The following SCMH1 variants were observed in gnomAD, a reference collection of about 807,000 sequenced individuals.
SCMH1 encodes Scm polycomb group protein homolog 1.
Under a neutral mutation model 70.8 loss-of-function variants are expected in SCMH1, and 37 were observed. The observed-to-expected ratio is 0.52, with a 90% confidence interval of 0.40 to 0.69. SCMH1 has a LOEUF of 0.69. SCMH1 is among the 30% of genes least tolerant of loss of function. The pLI is 0.00. For synonymous variants in SCMH1, 292 were observed against 307.4 expected, an observed-to-expected ratio of 0.95 and a Z score of 0.52; for missense variants, 607 against 827.3, an observed-to-expected ratio of 0.73 and a Z score of 3.27.
chr1:41,186,469 C>T (rs1398971966), intron 1 of SCMH1, among the ~76,000 whole-genome samples: 1 of 152,144 alleles, frequency 6.6e-6, no homozygotes, highest in Non-Finnish European at 1.5e-5. Context: ...ATAAAGAATA[C>T]AGATATTTGC....
chr1:41,057,077 C>T (rs989230969), intron 10 of SCMH1, among the ~76,000 whole-genome samples: 3 of 152,012 alleles, frequency 2.0e-5, no homozygotes, highest in Non-Finnish European at 4.4e-5. Flanking sequence ...AGAGAAATAC[C>T]GCACTCCAGG....
intron 14 of SCMH1, 28 bp downstream of exon 15, chr1:41,028,556 T>A (rs751280564): frequency 1.2e-6 from 2 of 1,613,778 alleles, no homozygotes; most frequent in South Asian, 2.2e-5. Flanking sequence ...CACAGGTTCC[T>A]ACTGAGAGGT....
At chr1:41,175,876 T>C (rs956862052) in intron 2 of SCMH1, among the ~76,000 whole-genome samples, 1 of 152,128 alleles carries the variant, frequency 6.6e-6, no homozygotes. Context: ...GGCTTTAAAA[T>C]TACTGACAAA....
At chr1:41,140,101 A>G (rs1156720604) in intron 6 of SCMH1, among the ~76,000 whole-genome samples, 1 of 152,104 alleles carries the variant, frequency 6.6e-6, no homozygotes, top group African/African-American at 2.4e-5. Flanking sequence ...TAGTGTTGGT[A>G]TTGTTATTCT....
chr1:41,120,450 G>A (rs1359168626), intron 6 of SCMH1, among the ~76,000 whole-genome samples: 1 of 152,136 alleles, frequency 6.6e-6, no homozygotes, highest in African/African-American at 2.4e-5. Context: ...GGTCATGCTA[G>A]TAAATGCCGG....
Position 41,160,915 on chromosome 1 carries a change from T to A in SCMH1, c.83-17A>T, listed in dbSNP as rs950992614. 2.6e-6 allele frequency: 4 copies of A among 1,549,612 alleles called. No individual in the cohort carries two copies. ...CAGCAGCTTCTAGTAAAGAAAAAAA[T>A]GTTGGAGCATAAGTCATTAAGACAA... On this transcript the variant is annotated splice_polypyrimidine_tract_variant and intron_variant, in intron 3 of 14. Transcript: ENST00000337495.
chr1:41,206,016 C>A (rs1655455104), intron 1 of SCMH1, among the ~76,000 whole-genome samples: 1 of 152,144 alleles, frequency 6.6e-6, no homozygotes, highest in Admixed American at 6.5e-5. Flanking sequence ...AAAGGACATC[C>A]ATACCAAAAT....
At chr1:41,200,939 T>C (rs973367258) in intron 1 of SCMH1, among the ~76,000 whole-genome samples, 5 of 152,140 alleles carry the variant, frequency 3.3e-5, no homozygotes, top group African/African-American at 1.2e-4. Flanking sequence ...ATTTTTTTTT[T>C]ATCAGTTCAC....
At chr1:41,027,958 C>T (rs1012719228) in exon 15 of SCMH1, 6 of 542,806 alleles carry the variant, frequency 1.1e-5, no homozygotes, top group Middle Eastern at 4.8e-4. Flanking sequence ...CTTAGAGCCC[C>T]GGCAGAGCTG....
intron 9 of SCMH1, among the ~76,000 whole-genome samples, chr1:41,074,926 G>A (rs530139626): frequency 6.6e-6 from 1 of 152,306 alleles, no homozygotes; most frequent in Admixed American, 6.5e-5. Flanking sequence ...GCAGTGGCAC[G>A]ATCTCCGCTC....
intron 5 of SCMH1, among the ~76,000 whole-genome samples, chr1:41,144,618 A>T (rs185149192): frequency 1.3e-5 from 2 of 152,258 alleles, no homozygotes; most frequent in Admixed American, 1.3e-4. Context: ...GTATATACTT[A>T]TGAGTGAAAC....
intron 8 of SCMH1, among the ~76,000 whole-genome samples, chr1:41,106,451 C>G (rs76311861): frequency 6.6e-6 from 1 of 151,694 alleles, no homozygotes; most frequent in East Asian, 1.9e-4. Flanking sequence ...TATGCAGCAC[C>G]GTGTTTATAC....
At chr1:41,033,179 A>G (rs1331884148) in intron 13 of SCMH1, among the ~76,000 whole-genome samples, 1 of 151,408 alleles carries the variant, frequency 6.6e-6, no homozygotes, top group Non-Finnish European at 1.5e-5. Flanking sequence ...AACTACTTGG[A>G]AGGTAGCTTG....
intron 6 of SCMH1, among the ~76,000 whole-genome samples, chr1:41,135,638 A>C (rs1643174242): frequency 6.6e-6 from 1 of 152,216 alleles, no homozygotes. Flanking sequence ...TCCTTATAGC[A>C]GCAGGAGAAC....
intron 1 of SCMH1, among the ~76,000 whole-genome samples, chr1:41,198,621 T>C (rs559168400): frequency 1.3e-5 from 2 of 152,320 alleles, no homozygotes; most frequent in Non-Finnish European, 2.9e-5. Flanking sequence ...ATAAGCATGG[T>C]TCTCTTTTAG....
intron 8 of SCMH1, among the ~76,000 whole-genome samples, chr1:41,103,596 C>T (rs552834650): frequency 1.1e-4 from 16 of 152,296 alleles, no homozygotes; most frequent in African/African-American, 3.6e-4. Context: ...CAAAAAAACC[C>T]TATATGGGTT....
At chr1:41,091,038 CAAAAAAAA>C (rs71062575) in intron 8 of SCMH1, among the ~76,000 whole-genome samples, 5 of 119,930 alleles carry the variant, frequency 4.2e-5, no homozygotes, top group East Asian at 2.4e-4. Context: ...GACTCCGTGT[CAAAAAAAA>C]AAAAAAAAAA....
At chr1:41,195,875 T>C (rs551759335) in intron 1 of SCMH1, among the ~76,000 whole-genome samples, 67 of 152,286 alleles carry the variant, frequency 4.4e-4, no homozygotes, top group African/African-American at 1.5e-3. Context: ...AGTTGCGGGA[T>C]ACAAAGTCAC....
At chr1:41,169,098 T>A (rs1646617206) in intron 2 of SCMH1, among the ~76,000 whole-genome samples, 1 of 152,224 alleles carries the variant, frequency 6.6e-6, no homozygotes, top group Non-Finnish European at 1.5e-5. Flanking sequence ...GAAGTGGTCC[T>A]ACTGTACGTC....
Sources: gnomAD v4.1 joint callset for allele counts (sites outside exome capture counted in the v4.1 genomes callset) on GRCh38, gnomAD v4.1.1 for gene constraint, MANE v1.5 for transcripts, NCBI Gene and HGNC (gene_info 2026-07-23, HGNC 2026-07-21) for gene names.